The following IQSEC2 variants were observed in gnomAD, a reference collection of about 807,000 sequenced individuals.
The protein encoded by IQSEC2 is IQ motif and SEC7 domain-containing protein 2.
IQSEC2 carries 6 observed loss-of-function variants against 74.6 expected under a neutral mutation model. The observed-to-expected ratio is 0.08, with a 90% CI of 0.04 to 0.16. The LOEUF (loss-of-function observed/expected upper bound fraction) is 0.16, where lower values mean the gene tolerates loss of function less well. IQSEC2 is among the 10% of genes least tolerant of loss of function. The probability of loss-of-function intolerance (pLI) is 1.00; values close to 1 mark genes in which losing one functional copy is unlikely to be tolerated. For synonymous variants in IQSEC2, 494 were observed against 544.5 expected (o/e 0.91, Z 1.29); for missense variants, 734 against 1,306.2 (o/e 0.56, Z 6.75).
intron 2 of IQSEC2, among the ~76,000 whole-genome samples, chrX:53,263,743 G>A (rs1335316643): frequency 9.0e-6 from 1 of 111,539 alleles, no homozygotes; most frequent in Non-Finnish European, 1.9e-5. Flanking sequence ...CACGGAACAT[G>A]ACAGGGTCAG....
At chrX:53,286,669 C>A (rs200223419) in intron 2 of IQSEC2, among the ~76,000 whole-genome samples, 3 of 111,321 alleles carry the variant, frequency 2.7e-5, no homozygotes, top group South Asian at 3.8e-4. Context: ...AGGCTGGGCG[C>A]GGTGGCTCAC....
chrX:53,277,152 C>T (rs1556869712), intron 2 of IQSEC2, among the ~76,000 whole-genome samples: 1 of 110,755 alleles, frequency 9.0e-6, no homozygotes, highest in African/African-American at 3.3e-5. Context: ...TTCCATCATA[C>T]CAGAACTTCC....
chrX:53,238,077 T>C (rs2074162320), intron 12 of IQSEC2, 68 bp downstream of exon 12: 1 of 1,090,332 alleles, frequency 9.2e-7, no homozygotes, highest in African/African-American at 1.8e-5. Context: ...TCTCTGAGGA[T>C]AGGATTCTTG....
intron 2 of IQSEC2, among the ~76,000 whole-genome samples, chrX:53,278,026 T>TTTTTTA (rs2074869443): frequency 1.1e-5 from 1 of 92,468 alleles, no homozygotes; most frequent in Non-Finnish European, 2.1e-5. Flanking sequence ...TTTTTTTTTT[T>TTTTTTA]TTGAGACGGA....
intron 10 of IQSEC2, among the ~76,000 whole-genome samples, chrX:53,241,169 G>C (rs1276768952): frequency 1.8e-5 from 2 of 110,950 alleles, no homozygotes; most frequent in Non-Finnish European, 3.8e-5. Context: ...GCAGTGGTGC[G>C]ATCACAGCAC....
intron 4 of IQSEC2, 89 bp from the exon 5 acceptor site, chrX:53,251,263 GAGGT>G: frequency 2.1e-6 from 2 of 963,598 alleles, no homozygotes; most frequent in Non-Finnish European, 1.4e-6. Context: ...ATGAGGGAGG[GAGGT>G]AAGGAAAAAG....
At chrX:53,290,685 GC>G (rs1217213078) in intron 2 of IQSEC2, among the ~76,000 whole-genome samples, 1 of 112,096 alleles carries the variant, frequency 8.9e-6, no homozygotes, top group Non-Finnish European at 1.9e-5. Flanking sequence ...TTATCCCACA[GC>G]CCCATTCTTG....
chrX:53,277,098 A>G (rs1011722570), intron 2 of IQSEC2, among the ~76,000 whole-genome samples: 8 of 111,101 alleles, frequency 7.2e-5, no homozygotes, highest in Non-Finnish European at 1.1e-4. Flanking sequence ...CTGGGAAGCT[A>G]TCTATCTTTT....
intron 2 of IQSEC2, among the ~76,000 whole-genome samples, chrX:53,288,951 C>A (rs1556872396): frequency 9.1e-6 from 1 of 110,289 alleles, no homozygotes; most frequent in East Asian, 2.9e-4. Context: ...CTTTCTCTGC[C>A]CATGCCTACC....
intron 12 of IQSEC2, among the ~76,000 whole-genome samples, chrX:53,236,987 G>T (rs782218353): frequency 8.9e-6 from 1 of 111,931 alleles, no homozygotes; most frequent in African/African-American, 3.2e-5. Flanking sequence ...CTCCTGGAAG[G>T]GCAGGAGCAG....
At position 53,314,717 on chromosome X, in the gene IQSEC2, G is replaced by A. The variant is rs1344262976; in HGVS notation, c.707+5700C>T. Among the ~76,000 whole-genome samples the A allele has an allele frequency of 4.5e-5, 5 of 112,171 alleles. No homozygotes were observed. In the East Asian group the frequency reaches 1.4e-3, roughly 32 times the overall value. Reference sequence around the variant, plus strand: ...GCAAACTGGGGACAGATCCTAAGAAGACCATGCAGGGCAGGCGGAGGAGTT... The same window carrying A: ...GCAAACTGGGGACAGATCCTAAGAAAACCATGCAGGGCAGGCGGAGGAGTT... On this transcript the variant is annotated intron_variant, in intron 1 of 14. Transcript: ENST00000642864.
chrX:53,318,366 G>A (rs1252247249), intron 1 of IQSEC2, among the ~76,000 whole-genome samples: 3 of 112,241 alleles, frequency 2.7e-5, no homozygotes, highest in African/African-American at 6.5e-5. Context: ...GCAACCTGGG[G>A]GGGTTCACAA....
intron 2 of IQSEC2, among the ~76,000 whole-genome samples, chrX:53,286,939 C>A (rs868961229): frequency 3.1e-3 from 179 of 58,373 alleles, no homozygotes; most frequent in East Asian, 3.9e-3. Context: ...GTATCCGGCT[C>A]AAAAAAAAAA....
rs2074746790 is a variant in IQSEC2, at chrX:53,271,671, C to T, written c.738-15610G>A. ...ACCGTAGCCCTGCTCAAATCCATTTCTTCTCTGCCAATACCCCAGTTTAGG... is the reference window on the plus strand; with the variant it reads ...ACCGTAGCCCTGCTCAAATCCATTTTTTCTCTGCCAATACCCCAGTTTAGG... On this transcript the variant is annotated intron_variant, in intron 2 of 14. Transcript: ENST00000642864. Among the ~76,000 whole-genome samples the T allele has an allele frequency of 1.1e-4, 12 of 112,161 alleles. No individual in the cohort carries two copies. The South Asian group carries it at 4.5e-3, about 42-fold the overall frequency.
chrX:53,279,752 G>C, intron 2 of IQSEC2: 1 of 544,418 alleles, frequency 1.8e-6, no homozygotes, highest in Non-Finnish European at 3.2e-6. Flanking sequence ...AGGTGAGAGT[G>C]AGTGCGGGAG....
chrX:53,288,186 A>G (rs1184470955), intron 2 of IQSEC2, among the ~76,000 whole-genome samples: 1 of 110,763 alleles, frequency 9.0e-6, no homozygotes, highest in Non-Finnish European at 1.9e-5. Context: ...TGGATGGGGG[A>G]GCCACAGACG....
At chrX:53,256,648 TGCCCCCTGGTGCCTGGACTCC>T (rs1457322204) in intron 2 of IQSEC2, among the ~76,000 whole-genome samples, 1 of 111,767 alleles carries the variant, frequency 8.9e-6, no homozygotes, top group Non-Finnish European at 1.9e-5. Context: ...GCCTGGCCCC[TGCCCCCTGGTGCCTGGACTCC>T]GGGCCAGGCC....
At chrX:53,230,925 G>A (rs2074061770), downstream of IQSEC2, 1 of 112,066 alleles carries the variant, frequency 8.9e-6, no homozygotes, top group Non-Finnish European at 1.9e-5. Context: ...GGACTGCAAT[G>A]AGGACTGGAG....
rs782585718 is a variant in IQSEC2, at chrX:53,250,847, C to T, written c.1729G>A (p.Gly577Arg). Residue 577 changes from glycine to arginine, a missense_variant, in exon 5 of 15, where the codon GGG becomes AGG. Gly to Arg is a moderately radical substitution (Grantham distance 125, BLOSUM62 -2). This residue lies in a region of IQSEC2 where 204 missense variants were observed against 305.4 expected (regional missense o/e 0.67). Transcript: ENST00000642864. ...CGGAAATCCCGGCACTCCAAGCACC[C>T]GGGACCCCTGCGAGTGCCTTCCTCA... ...SREEGTRRGPGCLECRDFRLR... is the reference protein window; with the variant it reads ...SREEGTRRGPRCLECRDFRLR... The T allele has an allele frequency of 4.1e-6, 5 of 1,208,264 alleles. No homozygotes were observed. The highest frequency in any genetic ancestry group is 3.0e-5 in the East Asian group (1 of 33,707).
Sources: allele counts gnomAD v4.1 joint callset (sites outside exome capture counted in the v4.1 genomes callset), GRCh38; gene constraint gnomAD v4.1.1; regional missense constraint gnomAD v4.1.1; transcripts MANE v1.5; gene names NCBI Gene and HGNC (gene_info 2026-07-23, HGNC 2026-07-21).